PLEKHA6: variants seen among roughly 807,000 people sequenced by gnomAD.
The protein encoded by PLEKHA6 is pleckstrin homology domain-containing family A member 6.
PLEKHA6 carries 60 observed loss-of-function variants against 116.7 expected under a neutral mutation model. The ratio of observed to expected loss-of-function variants is 0.51; its 90% CI spans 0.42 to 0.64. The LOEUF is 0.64. Ranked by LOEUF, PLEKHA6 falls within the 30% of genes least tolerant of loss-of-function variation. The pLI is 0.00. For synonymous variants in PLEKHA6, 489 were observed against 556.1 expected, an observed-to-expected ratio of 0.88 and a Z score of 1.70; for missense variants, 1,338 against 1,422.7, an observed-to-expected ratio of 0.94 and a Z score of 0.96.
intron 1 of PLEKHA6, among the ~76,000 whole-genome samples, chr1:204,322,078 C>T (rs369105285): frequency 2.0e-5 from 3 of 152,236 alleles, no homozygotes; most frequent in African/African-American, 7.2e-5. Context: ...CTTAGCTAGT[C>T]CTCGAATTAA....
intron 21 of PLEKHA6, among the ~76,000 whole-genome samples, chr1:204,225,600 G>A (rs572427357): frequency 1.3e-5 from 2 of 152,264 alleles, no homozygotes; most frequent in South Asian, 2.1e-4. Context: ...CCATACTGCG[G>A]AAAAGCCAAT....
chr1:204,331,284 C>A (rs552273486), intron 1 of PLEKHA6, among the ~76,000 whole-genome samples: 1 of 151,916 alleles, frequency 6.6e-6, no homozygotes, highest in Non-Finnish European at 1.5e-5. Context: ...TGCCTTTCTG[C>A]CTGCATTAGG....
chr1:204,334,497 T>C lies in PLEKHA6; in HGVS notation c.-95+25197A>G, dbSNP rs1672570436. Among the ~76,000 whole-genome samples, 3 of 152,342 alleles carry C rather than the reference T, an allele frequency of 2.0e-5. No homozygotes were observed. In the Middle Eastern group the frequency reaches 0.01, roughly 518 times the overall value. On this transcript the variant is annotated intron_variant, in intron 1 of 22. Transcript: ENST00000272203. Reference sequence around the variant, plus strand: ...GATTGCATCTATTTATGGGGTAAAATGCGATGGTTTGATACATGTATACAT... The same window carrying C: ...GATTGCATCTATTTATGGGGTAAAACGCGATGGTTTGATACATGTATACAT...
intron 1 of PLEKHA6, among the ~76,000 whole-genome samples, chr1:204,310,415 C>G (rs1291079828): frequency 1.3e-5 from 2 of 152,178 alleles, no homozygotes; most frequent in Non-Finnish European, 2.9e-5. Context: ...ATTTCAGTCT[C>G]TCATCCCAAC....
chr1:204,297,680 T>A (rs1024661008), intron 1 of PLEKHA6, among the ~76,000 whole-genome samples: 3 of 152,202 alleles, frequency 2.0e-5, no homozygotes, highest in Non-Finnish European at 2.9e-5. Flanking sequence ...TTAATTCACA[T>A]AAAATGCCTA....
At chr1:204,230,634 C>G in intron 17 of PLEKHA6, 48 bp from the exon 18 acceptor site, 1 of 1,490,690 alleles carries the variant, frequency 6.7e-7, no homozygotes, top group South Asian at 1.3e-5. Context: ...TATCCCCCAC[C>G]CAGCTTTTCC....
rs1270572970 is a variant in PLEKHA6 at position 204,223,500 on chromosome 1, G to T, written c.3117C>A (p.Gly1039=). 4 of 1,549,212 alleles carry T rather than the reference G, an allele frequency of 2.6e-6. No individual in the cohort carries two copies. The highest frequency in any genetic ancestry group is 3.5e-6 in the Non-Finnish European group (4 of 1,144,860). ...ANPLSSESPR[G]ADSSYTMRV ...CCCGCATGGTATAGCTGCTGTCGGCGCCCCGTGGGGATTCAGACGACAGGG... is the reference window on the plus strand; with the variant it reads ...CCCGCATGGTATAGCTGCTGTCGGCTCCCCGTGGGGATTCAGACGACAGGG... The change falls in exon 22 of 23, where the codon GGC becomes GGA. Residue 1039 remains glycine (G), a synonymous_variant. Transcript: ENST00000272203. The surrounding 1 kb of genome is among the most constrained non-coding windows in gnomAD (Gnocchi z 4.8).
rs539867900 is a variant in PLEKHA6 at position 204,347,411 on chromosome 1, T to C, written c.-95+12283A>G. ...CCTAAACACTGCTGTTATCCTGTTC[T>C]TTTTTCAAGGTGCCCAGATTTCATA... On this transcript the variant is annotated intron_variant, in intron 1 of 22. Transcript: ENST00000272203. Among the ~76,000 whole-genome samples the C allele has an allele frequency of 2.0e-5, 3 of 152,034 alleles. No individual in the cohort carries two copies. In the South Asian group the frequency reaches 6.3e-4, roughly 32 times the overall value.
At chr1:204,330,635 C>G (rs932896769) in intron 1 of PLEKHA6, among the ~76,000 whole-genome samples, 70 of 152,188 alleles carry the variant, frequency 4.6e-4, no homozygotes, top group African/African-American at 1.5e-3. Flanking sequence ...GCTGTTCTTC[C>G]CTTCCCAGCA....
In PLEKHA6 at chr1:204,273,506, C is replaced by T; in HGVS notation, c.102+120G>A. 3 of 741,202 alleles carry T rather than the reference C, an allele frequency of 4.0e-6. No individual in the cohort carries two copies. In the South Asian group the frequency reaches 4.8e-5, roughly 12 times the overall value. 45.9% of individuals were successfully genotyped at this position (741,202 alleles called of 1,614,324 possible). A position where few individuals can be genotyped will look rare whatever the true frequency, so the allele number is the denominator to read the frequency against. On this transcript the variant is annotated intron_variant, in intron 3 of 22. Coordinates refer to ENST00000272203, the MANE Select transcript of PLEKHA6 (RefSeq NM_014935.5). Reference sequence around the variant, plus strand: ...CTCTCTTCCTGGGTCACCTTGCCTACTCTTGGAGCCTGCAGAAATAGCTGG... The same window carrying T: ...CTCTCTTCCTGGGTCACCTTGCCTATTCTTGGAGCCTGCAGAAATAGCTGG...
chr1:204,245,510 G>T (rs111512807), intron 14 of PLEKHA6, 105 bp downstream of exon 14: 13 of 722,050 alleles, frequency 1.8e-5, no homozygotes, highest in South Asian at 8.2e-5. Context: ...GCCCTGCCTG[G>T]CTCTGAACAC....
rs992315824 is a variant in PLEKHA6 at position 204,325,924 on chromosome 1, C to T, written c.-95+33770G>A. 9.1e-6 allele frequency: 9 copies of T among 984,754 alleles called. No individual in the cohort carries two copies. The African/African-American group carries it at 1.6e-4, about 17-fold the overall frequency. The allele number at this position is 984,754 out of a possible 1,614,324, so 61.0% of individuals were successfully genotyped here. On this transcript the variant is annotated intron_variant, in intron 1 of 22. Transcript: ENST00000272203. Reference sequence around the variant, plus strand: ...GCTGCCAAAGCCAAGCACCGCTGGGCTGCCATTAACATATAGACTGGGCTG... The same window carrying T: ...GCTGCCAAAGCCAAGCACCGCTGGGTTGCCATTAACATATAGACTGGGCTG...
At chr1:204,297,616 G>T (rs1364656042) in intron 1 of PLEKHA6, among the ~76,000 whole-genome samples, 1 of 151,788 alleles carries the variant, frequency 6.6e-6, no homozygotes, top group Non-Finnish European at 1.5e-5. Context: ...TCGGCAACAG[G>T]GGGGGTGGGT....
chr1:204,283,018 G>A lies in PLEKHA6; in HGVS notation c.-94-8209C>T, dbSNP rs541351166. Among the ~76,000 whole-genome samples the A allele has an allele frequency of 2.0e-3, 312 of 152,246 alleles. 1 individual carries two copies. The highest frequency in any genetic ancestry group is 6.4e-3 in the African/African-American group (264 of 41,538). On this transcript the variant is annotated intron_variant, in intron 1 of 22. Coordinates refer to ENST00000272203, the MANE Select transcript of PLEKHA6 (RefSeq NM_014935.5). ...CAATAATTAATTATGCCCCCCCACC[G>A]CCCCGCCGCCTTCCAGCTCTGAGTT...
At chr1:204,281,387 T>C (rs1668588239) in intron 1 of PLEKHA6, among the ~76,000 whole-genome samples, 1 of 151,976 alleles carries the variant, frequency 6.6e-6, no homozygotes, top group Non-Finnish European at 1.5e-5. Flanking sequence ...TAGCCGGGCC[T>C]GGTGGCGGGC....
chr1:204,318,953 T>C (rs1043832300), intron 1 of PLEKHA6, among the ~76,000 whole-genome samples: 17 of 152,302 alleles, frequency 1.1e-4, no homozygotes, highest in Admixed American at 4.6e-4. Context: ...GTCCAGTAAA[T>C]GGGAGAACAG....
chr1:204,249,345 G>A (rs1484568560), intron 10 of PLEKHA6, 81 bp from the exon 11 acceptor site: 2 of 1,048,868 alleles, frequency 1.9e-6, no homozygotes, highest in Non-Finnish European at 3.0e-6. Flanking sequence ...GGGAGTTATA[G>A]GCCTGGCCTC....
At chr1:204,327,295 C>T (rs904489971) in intron 1 of PLEKHA6, among the ~76,000 whole-genome samples, 4 of 152,250 alleles carry the variant, frequency 2.6e-5, no homozygotes, top group Admixed American at 2.6e-4. Flanking sequence ...ACCCACCTGG[C>T]GCTGAGGCCT....
At chr1:204,331,538 A>G (rs978331151) in intron 1 of PLEKHA6, among the ~76,000 whole-genome samples, 6 of 152,218 alleles carry the variant, frequency 3.9e-5, no homozygotes, top group Non-Finnish European at 5.9e-5. Flanking sequence ...TCTGGAGGAA[A>G]GAGAATTGGT....
Sources: allele counts gnomAD v4.1 joint callset (sites outside exome capture counted in the v4.1 genomes callset), GRCh38; gene constraint gnomAD v4.1.1; non-coding constraint Gnocchi (gnomAD v3.1); transcripts MANE v1.5; gene names NCBI Gene and HGNC (gene_info 2026-07-23, HGNC 2026-07-21).